Variants in PDE4D observed in about 807,000 individuals in gnomAD.
The protein encoded by PDE4D is phosphodiesterase 4D.
In PDE4D, 24 loss-of-function variants were observed where a neutral mutation model predicts 87.4. The observed-to-expected ratio is 0.27, with a 90% confidence interval of 0.20 to 0.39. The LOEUF is 0.39. Among genes scored for constraint, PDE4D ranks in the 10% least tolerant of loss-of-function variants. The pLI, the probability that PDE4D is intolerant of heterozygous loss-of-function variation, is 1.00. For missense variants in PDE4D, 714 were observed against 1,041.0 expected (o/e 0.69, Z 4.32); for synonymous variants, 384 against 383.2 (o/e 1.00, Z -0.02).
chr5:59,815,628 G>T (rs1428701505), intron 1 of PDE4D, among the ~76,000 whole-genome samples: 3 of 152,220 alleles, frequency 2.0e-5, no homozygotes, highest in African/African-American at 4.8e-5. Flanking sequence ...CCATGCAATT[G>T]TTAGCTAGTG....
At chr5:59,109,263 A>G (rs1772203712) in intron 5 of PDE4D, among the ~76,000 whole-genome samples, 1 of 152,226 alleles carries the variant, frequency 6.6e-6, no homozygotes, top group Non-Finnish European at 1.5e-5. Flanking sequence ...TAAACCAGTG[A>G]TAAAACAAAC....
chr5:59,907,294 T>C (rs1333035440), intron 3 of PDE4D, among the ~76,000 whole-genome samples: 1 of 152,138 alleles, frequency 6.6e-6, no homozygotes, highest in Non-Finnish European at 1.5e-5. Flanking sequence ...TATTCTAATA[T>C]TTTCTTATTC....
chr5:60,171,401 C>A (rs528111414), intron 2 of PDE4D, among the ~76,000 whole-genome samples: 11 of 152,076 alleles, frequency 7.2e-5, no homozygotes, highest in Non-Finnish European at 1.3e-4. Flanking sequence ...CTTAGTTCTA[C>A]TGAAGTGCAA....
At chr5:59,803,589 G>A (rs1767402297) in intron 1 of PDE4D, among the ~76,000 whole-genome samples, 1 of 152,140 alleles carries the variant, frequency 6.6e-6, no homozygotes, top group Non-Finnish European at 1.5e-5. Context: ...GTGAGCCACC[G>A]CACCTGGCCC....
chr5:59,055,178 A>G (rs998672740), intron 5 of PDE4D, among the ~76,000 whole-genome samples: 3 of 152,210 alleles, frequency 2.0e-5, no homozygotes, highest in South Asian at 2.1e-4. Flanking sequence ...GCAGACCACC[A>G]TATATCCTAG....
At chr5:59,080,385 C>A (rs1411908454) in intron 5 of PDE4D, among the ~76,000 whole-genome samples, 1 of 152,170 alleles carries the variant, frequency 6.6e-6, no homozygotes, top group Non-Finnish European at 1.5e-5. Context: ...TGGATGACTA[C>A]ATAATGGCCT....
chr5:60,092,750 C>T (rs906726350), intron 2 of PDE4D, among the ~76,000 whole-genome samples: 3 of 152,192 alleles, frequency 2.0e-5, no homozygotes, highest in Non-Finnish European at 2.9e-5. Context: ...TCACCAAGCC[C>T]ATATCACTGC....
intron 1 of PDE4D, among the ~76,000 whole-genome samples, chr5:59,730,052 A>G (rs961659990): frequency 6.6e-6 from 1 of 152,092 alleles, no homozygotes; most frequent in Non-Finnish European, 1.5e-5. Context: ...CACTCAACAG[A>G]CTATGGAATG....
chr5:59,347,168 A>G (rs974108251), intron 1 of PDE4D, among the ~76,000 whole-genome samples: 1 of 152,306 alleles, frequency 6.6e-6, no homozygotes, highest in Non-Finnish European at 1.5e-5. Context: ...CACTGCCATT[A>G]TGTGAAAAGA....
chr5:60,431,120 C>T (rs557549915), intron 1 of PDE4D: 9 of 212,736 alleles, frequency 4.2e-5, no homozygotes, highest in African/African-American at 1.2e-4. Flanking sequence ...TAGGGGCGGC[C>T]GGGCAGAGGC....
chr5:59,171,174 A>T (rs543603597), intron 5 of PDE4D, among the ~76,000 whole-genome samples: 3 of 151,668 alleles, frequency 2.0e-5, no homozygotes, highest in African/African-American at 7.3e-5. Flanking sequence ...GAGCCACCAC[A>T]CCTGGCTCAT....
intron 1 of PDE4D, among the ~76,000 whole-genome samples, chr5:59,862,718 C>CAAT (rs1746459336): frequency 6.6e-6 from 1 of 152,332 alleles, no homozygotes; most frequent in African/African-American, 2.4e-5. Context: ...AATCCCAGCT[C>CAAT]AATAACTAGC....
intron 2 of PDE4D, among the ~76,000 whole-genome samples, chr5:60,053,245 C>G (rs1770397538): frequency 6.6e-6 from 1 of 152,094 alleles, no homozygotes; most frequent in African/African-American, 2.4e-5. Flanking sequence ...CAATCCTAAG[C>G]AAAAAGAACA....
At chr5:59,821,805 T>G (rs1468987827) in intron 1 of PDE4D, among the ~76,000 whole-genome samples, 1 of 152,202 alleles carries the variant, frequency 6.6e-6, no homozygotes, top group Non-Finnish European at 1.5e-5. Context: ...CTGTGGCCAA[T>G]TTCAATATGA....
chr5:59,256,704 G>T (rs771431087), intron 1 of PDE4D, among the ~76,000 whole-genome samples: 1 of 152,040 alleles, frequency 6.6e-6, no homozygotes, highest in South Asian at 2.1e-4. Flanking sequence ...GCTCATTTTG[G>T]AGTTGTTTTT....
intron 11 of PDE4D, among the ~76,000 whole-genome samples, chr5:58,980,050 C>T (rs570097725): frequency 2.0e-4 from 31 of 152,280 alleles, no homozygotes; most frequent in African/African-American, 7.5e-4. Context: ...TGAATCATCT[C>T]ATTTAATCCT....
rs541659163 is a variant in PDE4D at position 59,762,626 on chromosome 5, G to T, written c.455+130542C>A. Among the ~76,000 whole-genome samples, 525 of 134,878 alleles carry T rather than the reference G, an allele frequency of 3.9e-3. 24 individuals carry two copies. The highest frequency in any genetic ancestry group is 6.0e-3 in the Non-Finnish European group (359 of 60,206). The allele number at this position is 134,878 out of a possible 152,430, so 88.5% of individuals were successfully genotyped here. A position where few individuals can be genotyped will look rare whatever the true frequency, so the allele number is the denominator to read the frequency against. On this transcript the variant is annotated intron_variant, in intron 1 of 14. Transcript: ENST00000340635. ...TGTATATAGGTACATATGTGTATAT[G>T]TGTATATGGGTACACATATGTGTAT...
intron 1 of PDE4D, among the ~76,000 whole-genome samples, chr5:59,633,072 C>T (rs534266225): frequency 5.9e-5 from 9 of 152,054 alleles, no homozygotes; most frequent in East Asian, 1.9e-4. Flanking sequence ...AAACACAGCA[C>T]GAGAACATCG....
chr5:59,383,821 C>T (rs1786404044), intron 1 of PDE4D, among the ~76,000 whole-genome samples: 1 of 152,042 alleles, frequency 6.6e-6, no homozygotes, highest in Admixed American at 6.6e-5. Context: ...TATTTACATG[C>T]TGATTATCCA....
Sources: allele counts gnomAD v4.1 joint callset (sites outside exome capture counted in the v4.1 genomes callset), GRCh38; gene constraint gnomAD v4.1.1; transcripts MANE v1.5; gene names NCBI Gene and HGNC (gene_info 2026-07-23, HGNC 2026-07-21).